Variants in COL6A6 observed in about 807,000 individuals in gnomAD.
COL6A6 encodes collagen type VI alpha 6 chain.
In COL6A6, 183 loss-of-function variants were observed where a neutral mutation model predicts 208.6. The ratio of observed to expected loss-of-function variants is 0.88; its 90% CI spans 0.78 to 0.99. The LOEUF (loss-of-function observed/expected upper bound fraction) is 0.99, where lower values mean the gene tolerates loss of function less well. Ranked by LOEUF, COL6A6 falls within the 50% of genes least tolerant of loss-of-function variation. COL6A6 has a pLI of 0.00. For synonymous variants in COL6A6, 973 were observed against 1,011.8 expected, an observed-to-expected ratio of 0.96 and a Z score of 0.73; for missense variants, 2,816 against 2,815.2, an observed-to-expected ratio of 1.00 and a Z score of -0.01.
intron 1 of COL6A6, among the ~76,000 whole-genome samples, chr3:130,559,593 G>A (rs1381557717): frequency 6.6e-6 from 1 of 152,166 alleles, no homozygotes; most frequent in African/African-American, 2.4e-5. Context: ...ATTAATAAAT[G>A]AGCAAAAAAT....
Position 130,662,035 on chromosome 3 carries a change from C to T in COL6A6, c.6229C>T (p.Pro2077Ser). ...WTLDNVFLST[P>S]NLRRNKVIFV... ...TCTGGACAATGTATTTTTAAGTACA[C>T]CCAATCTGAGAAGAAACAAAGTCAT... Residue 2077 changes from proline (P) to serine (S), a missense_variant, in exon 35 of 37, where the codon CCC (proline) becomes TCC (serine). Pro to Ser is a moderately conservative substitution (Grantham distance 74). Transcript: ENST00000358511. 1 of 1,614,014 alleles carries T rather than the reference C, an allele frequency of 6.2e-7. No homozygotes were observed. Among genetic ancestry groups the T allele is most frequent in the Non-Finnish European group, 8.5e-7 (1 of 1,179,898 alleles).
intron 4 of COL6A6, 53 bp downstream of exon 4, chr3:130,565,667 T>G (rs2063002496): frequency 3.3e-6 from 5 of 1,521,126 alleles, no homozygotes; most frequent in Non-Finnish European, 4.4e-6. Flanking sequence ...TTCTTCTCTT[T>G]CAAATATTCT....
chr3:130,594,398 G>C, intron 18 of COL6A6, 55 bp downstream of exon 18: 1 of 1,356,554 alleles, frequency 7.4e-7, no homozygotes, highest in Non-Finnish European at 1.0e-6. Flanking sequence ...CCGTACTTCT[G>C]ATAGGGAGTC....
chr3:130,592,863 C>A, intron 15 of COL6A6, 141 bp downstream of exon 15: 1 of 918,152 alleles, frequency 1.1e-6, no homozygotes, highest in East Asian at 2.5e-5. Flanking sequence ...CATTTTGTTT[C>A]TTCTTCTCTT....
intron 28 of COL6A6, among the ~76,000 whole-genome samples, chr3:130,640,788 C>T (rs549752310): frequency 6.6e-6 from 1 of 152,240 alleles, no homozygotes; most frequent in African/African-American, 2.4e-5. Flanking sequence ...CATTTCATTA[C>T]AATATTTCCA....
At chr3:130,517,904 T>A (rs1048432690) in intron 1 of COL6A6, among the ~76,000 whole-genome samples, 2 of 152,366 alleles carry the variant, frequency 1.3e-5, no homozygotes, top group Non-Finnish European at 2.9e-5. Context: ...GTTGGACTTT[T>A]ACTGCTGTCT....
At chr3:130,537,016 A>C (rs1265120800) in intron 1 of COL6A6, among the ~76,000 whole-genome samples, 1 of 152,212 alleles carries the variant, frequency 6.6e-6, no homozygotes, top group African/African-American at 2.4e-5. Context: ...GGGATGTGAA[A>C]GGAGATGAGT....
chr3:130,636,072 A>AG (rs2065103180), intron 28 of COL6A6, among the ~76,000 whole-genome samples: 1 of 152,250 alleles, frequency 6.6e-6, no homozygotes, highest in Non-Finnish European at 1.5e-5. Flanking sequence ...GCCAAAATGT[A>AG]GTTAGTTTAA....
chr3:130,589,513 C>T (rs749448189), intron 12 of COL6A6, among the ~76,000 whole-genome samples: 10 of 152,154 alleles, frequency 6.6e-5, no homozygotes, highest in African/African-American at 1.2e-4. Context: ...ATGTGAATAA[C>T]GCATTTCAGC....
chr3:130,599,610 AG>A, intron 19 of COL6A6, 146 bp from the exon 20 acceptor site: 1 of 711,678 alleles, frequency 1.4e-6, no homozygotes, highest in South Asian at 1.7e-5. Context: ...TATGATCAGT[AG>A]AGTTCATGCC....
intron 1 of COL6A6, among the ~76,000 whole-genome samples, chr3:130,544,685 C>G (rs1019445983): frequency 1.3e-5 from 2 of 152,136 alleles, no homozygotes; most frequent in Admixed American, 1.3e-4. Flanking sequence ...TTCTCTACAC[C>G]TTCAACATTT....
intron 27 of COL6A6, 85 bp from the exon 28 acceptor site, chr3:130,635,614 G>T (rs183257378): frequency 3.3e-6 from 3 of 897,902 alleles, no homozygotes; most frequent in Non-Finnish European, 3.5e-6. Flanking sequence ...ATGTCTTCAT[G>T]TTAGAATCAG....
rs1012077175 is a variant in COL6A6 at position 130,537,962 on chromosome 3, G to A, written c.-32+20565G>A. Among the ~76,000 whole-genome samples the A allele has an allele frequency of 2.0e-5, 3 of 152,214 alleles. No homozygotes were observed. In the East Asian group the frequency reaches 5.8e-4, roughly 29 times the overall value. ...TCACAGCAGTTGGTATCCATTCATT[G>A]AGAAAGAAGACAACTTAAAGAAATT... On this transcript the variant is annotated intron_variant, in intron 1 of 36. Coordinates refer to ENST00000358511, the MANE Select transcript of COL6A6 (RefSeq NM_001102608.3).
intron 36 of COL6A6, among the ~76,000 whole-genome samples, chr3:130,665,777 A>G (rs767942149): frequency 2.0e-5 from 3 of 152,236 alleles, no homozygotes; most frequent in Admixed American, 6.5e-5. Flanking sequence ...TGTAATAACA[A>G]TGTTAATAAC....
Position 130,574,269 on chromosome 3 carries a change from G to A in COL6A6, c.3291G>A (p.Arg1097=), listed in dbSNP as rs755598081. 6.2e-7 allele frequency: 1 copy of A among 1,613,996 alleles called. No homozygotes were observed. Among genetic ancestry groups the A allele is most frequent in the South Asian group, 1.1e-5 (1 of 91,086 alleles). The part of the protein sequence containing the change: ...EHYFRPDMGS[R]INTGTPQVLL... ...ACTTCAGGCCAGACATGGGCAGCAG[G>A]ATAAATACAGGTACCCCACAGGTGC... The change falls in exon 8 of 37, where the codon AGG becomes AGA. Residue 1097 remains arginine, a synonymous_variant. Coordinates refer to ENST00000358511, the MANE Select transcript of COL6A6 (RefSeq NM_001102608.3).
chr3:130,526,638 G>A (rs2061967638), intron 1 of COL6A6, among the ~76,000 whole-genome samples: 1 of 152,314 alleles, frequency 6.6e-6, no homozygotes, highest in East Asian at 1.9e-4. Context: ...CTGGTGCAAA[G>A]TGGTTACATT....
intron 23 of COL6A6, among the ~76,000 whole-genome samples, chr3:130,616,049 G>A (rs4682623): frequency 0.22 from 33,867 of 152,044 alleles, 4,704 homozygotes; most frequent in African/African-American, 0.39. Context: ...ACCTTTGTCA[G>A]TACAGTGAAA....
intron 31 of COL6A6, 51 bp from the exon 32 acceptor site, chr3:130,644,938 ACT>A (rs2065424947): frequency 1.3e-6 from 2 of 1,560,010 alleles, no homozygotes; most frequent in South Asian, 2.2e-5. Flanking sequence ...ACGATACAGA[ACT>A]CTCTTCTCCT....
intron 23 of COL6A6, among the ~76,000 whole-genome samples, chr3:130,611,595 G>A (rs2064361747): frequency 6.6e-6 from 1 of 152,158 alleles, no homozygotes; most frequent in Non-Finnish European, 1.5e-5. Flanking sequence ...GAATCAAACA[G>A]TAAATGAGTG....
Sources: gnomAD v4.1 joint callset for allele counts (sites outside exome capture counted in the v4.1 genomes callset) on GRCh38, gnomAD v4.1.1 for gene constraint, MANE v1.5 for transcripts, NCBI Gene and HGNC (gene_info 2026-07-23, HGNC 2026-07-21) for gene names.